The following FNDC3B variants were observed in gnomAD, a reference collection of about 807,000 sequenced individuals.
FNDC3B encodes the protein fibronectin type III domain-containing protein 3B.
A neutral mutation model predicts 151.5 loss-of-function variants in FNDC3B; 12 were observed. The observed-to-expected ratio is 0.08, with a 90% confidence interval of 0.05 to 0.13. The LOEUF is 0.13. FNDC3B is among the 10% of genes least tolerant of loss of function. The pLI is 1.00. For missense variants in FNDC3B, 1,214 were observed against 1,505.3 expected (o/e 0.81, Z 3.20); for synonymous variants, 528 against 549.0 (o/e 0.96, Z 0.54).
intron 10 of FNDC3B, among the ~76,000 whole-genome samples, chr3:172,309,747 C>T (rs1339217322): frequency 6.6e-6 from 1 of 152,176 alleles, no homozygotes; most frequent in African/African-American, 2.4e-5. Context: ...CAACTGTTTA[C>T]TGAGTGCTTC....
At chr3:172,229,946 C>T (rs1321617208) in intron 4 of FNDC3B, among the ~76,000 whole-genome samples, 1 of 152,070 alleles carries the variant, frequency 6.6e-6, no homozygotes, top group Non-Finnish European at 1.5e-5. Flanking sequence ...GCTGGAAAAG[C>T]TGGATATCCA....
intron 24 of FNDC3B, 73 bp downstream of exon 24, chr3:172,378,509 C>G (rs970860605): frequency 1.3e-5 from 17 of 1,313,158 alleles, no homozygotes; most frequent in Non-Finnish European, 1.8e-5. Flanking sequence ...GAAAGAAGCT[C>G]TTTTCTGATG....
chr3:172,365,659 C>A lies in FNDC3B; in HGVS notation c.3008+2814C>A, dbSNP rs368787772. Among the ~76,000 whole-genome samples the A allele has an allele frequency of 2.2e-3, 339 of 152,140 alleles. 1 individual carries two copies. Among genetic ancestry groups the A allele is most frequent in the African/African-American group, 7.9e-3 (328 of 41,504 alleles). The stretch of plus-strand genomic sequence containing the variant: ...TTCTGGCTTACAATACTGAAGAGTC[C>A]CAGTCCATATTTATGAAGGAAGCAG... On this transcript the variant is annotated intron_variant, in intron 23 of 25. Transcript: ENST00000415807.
At chr3:172,292,307 G>C (rs1343469839) in intron 7 of FNDC3B, among the ~76,000 whole-genome samples, 1 of 152,216 alleles carries the variant, frequency 6.6e-6, no homozygotes, top group Non-Finnish European at 1.5e-5. Flanking sequence ...ATTTCTGATA[G>C]GCTGGCACAT....
chr3:172,178,364 G>A (rs1723716480), intron 3 of FNDC3B, among the ~76,000 whole-genome samples: 1 of 152,086 alleles, frequency 6.6e-6, no homozygotes, highest in African/African-American at 2.4e-5. Context: ...TAAGGCCTAG[G>A]AGACATTTGT....
At chr3:172,072,414 TG>T (rs1717824379) in intron 1 of FNDC3B, among the ~76,000 whole-genome samples, 1 of 151,792 alleles carries the variant, frequency 6.6e-6, no homozygotes, top group Non-Finnish European at 1.5e-5. Context: ...TGTCAGTGAA[TG>T]GTTGTGTCAT....
intron 4 of FNDC3B, among the ~76,000 whole-genome samples, chr3:172,240,905 C>T (rs755726368): frequency 6.6e-5 from 10 of 152,142 alleles, no homozygotes; most frequent in Non-Finnish European, 1.2e-4. Flanking sequence ...CAAAGATTCT[C>T]TCCGTTGCAC....
intron 3 of FNDC3B, among the ~76,000 whole-genome samples, chr3:172,142,860 C>G (rs185080425): frequency 1.3e-5 from 2 of 152,296 alleles, no homozygotes; most frequent in Admixed American, 6.5e-5. Context: ...AATCCAAGAT[C>G]AAGATACTAG....
At chr3:172,235,299 A>G (rs1179263309) in intron 4 of FNDC3B, among the ~76,000 whole-genome samples, 3 of 152,174 alleles carry the variant, frequency 2.0e-5, no homozygotes, top group Non-Finnish European at 4.4e-5. Flanking sequence ...TAATACTACT[A>G]TGATTTGCTG....
chr3:172,306,134 A>G (rs1398041722), intron 9 of FNDC3B, among the ~76,000 whole-genome samples: 2 of 152,212 alleles, frequency 1.3e-5, no homozygotes, highest in Non-Finnish European at 2.9e-5. Context: ...TTTGTGGAGA[A>G]ATGACTTTGC....
chr3:172,263,881 T>G (rs1486914057), intron 6 of FNDC3B, among the ~76,000 whole-genome samples: 1 of 152,180 alleles, frequency 6.6e-6, no homozygotes, highest in Non-Finnish European at 1.5e-5. Flanking sequence ...GATGATCTTT[T>G]AGGTAGTAAA....
At chr3:172,139,499 T>C (rs567539288) in intron 3 of FNDC3B, among the ~76,000 whole-genome samples, 12 of 152,344 alleles carry the variant, frequency 7.9e-5, no homozygotes, top group Admixed American at 7.2e-4. Context: ...TCAAAGATTG[T>C]AGTGAATCTC....
chr3:172,042,895 C>A (rs762760328), intron 1 of FNDC3B, among the ~76,000 whole-genome samples: 3 of 147,434 alleles, frequency 2.0e-5, no homozygotes, highest in Non-Finnish European at 4.4e-5. Flanking sequence ...AGTGCAGTGG[C>A]GCAATCTCGG....
chr3:172,391,490 C>T (rs528084947), intron 25 of FNDC3B, among the ~76,000 whole-genome samples: 2 of 152,306 alleles, frequency 1.3e-5, no homozygotes, highest in African/African-American at 4.8e-5. Flanking sequence ...CTGCTTAATG[C>T]TTCCGAGTGC....
intron 14 of FNDC3B, 117 bp downstream of exon 14, chr3:172,333,292 T>C: frequency 1.4e-6 from 1 of 700,368 alleles, no homozygotes. Flanking sequence ...GCACTTTACA[T>C]TTTGAAAGTA....
intron 3 of FNDC3B, among the ~76,000 whole-genome samples, chr3:172,144,362 G>T (rs912255139): frequency 4.6e-5 from 7 of 152,164 alleles, no homozygotes; most frequent in Non-Finnish European, 1.0e-4. Context: ...GATTTGGAGG[G>T]GACAGAGATC....
At chr3:172,089,959 TTTGGGTG>T (rs1718730502) in intron 1 of FNDC3B, among the ~76,000 whole-genome samples, 1 of 152,214 alleles carries the variant, frequency 6.6e-6, no homozygotes, top group African/African-American at 2.4e-5. Context: ...GTATCAGTGT[TTTGGGTG>T]TGATATCTGT....
chr3:172,227,179 G>T, intron 4 of FNDC3B: 1 of 385,692 alleles, frequency 2.6e-6, no homozygotes, highest in Non-Finnish European at 4.7e-6. Context: ...CTGCCAAGTG[G>T]GGTTTTTATA....
At chr3:172,052,333 G>A (rs1286846468) in intron 1 of FNDC3B, among the ~76,000 whole-genome samples, 1 of 151,740 alleles carries the variant, frequency 6.6e-6, no homozygotes, top group African/African-American at 2.4e-5. Flanking sequence ...CCACCTTGGC[G>A]TCCCTAAGTG....
Sources: gnomAD v4.1 joint callset for allele counts (sites outside exome capture counted in the v4.1 genomes callset) on GRCh38, gnomAD v4.1.1 for gene constraint, MANE v1.5 for transcripts, NCBI Gene and HGNC (gene_info 2026-07-23, HGNC 2026-07-21) for gene names.